Variants in AHI1 observed in about 807,000 individuals in gnomAD.
AHI1 encodes Abelson helper integration site 1.
Under a neutral mutation model 149.3 loss-of-function variants are expected in AHI1, and 123 were observed. That is an observed-to-expected ratio of 0.82 (90% CI 0.71 to 0.96). AHI1 has a LOEUF of 0.96. Among genes scored for constraint, AHI1 ranks in the 40% least tolerant of loss-of-function variants. AHI1 has a pLI of 0.00. For synonymous variants in AHI1, 475 were observed against 459.8 expected (o/e 1.03, Z -0.42); for missense variants, 1,439 against 1,422.7 (o/e 1.01, Z -0.18).
intron 20 of AHI1, among the ~76,000 whole-genome samples, chr6:135,415,986 G>A (rs1357560658): frequency 6.6e-6 from 1 of 152,108 alleles, no homozygotes; most frequent in Admixed American, 6.6e-5. Flanking sequence ...TGGGATAAGG[G>A]TGAGGAAGGA....
intron 27 of AHI1, among the ~76,000 whole-genome samples, chr6:135,297,196 G>A (rs6933077): frequency 0.2 from 30,082 of 152,034 alleles, 7,715 homozygotes; most frequent in African/African-American, 0.6. Context: ...CATGTCTCCT[G>A]GCCCCACCTT....
rs121434348 is a variant in AHI1, at chr6:135,457,594, G to A, written c.1051C>T (p.Arg351Ter). ...AAATCTGACTTAAGTCTATCAGTTC[G>A]GTGAATGTAAACTCCCAAGACAAGG... ...DDLVLGVYIH[R>*]TDRLKSDFMI... Residue 351 changes from arginine to a stop codon, truncating the protein, a stop_gained, in exon 9 of 29, where the codon CGA (arginine) becomes TGA (stop). Coordinates refer to ENST00000265602, the MANE Select transcript of AHI1 (RefSeq NM_001134831.2). LOFTEE classifies it high-confidence loss of function. 4 of 1,613,802 alleles carry A rather than the reference G, an allele frequency of 2.5e-6. No individual in the cohort carries two copies. Among genetic ancestry groups the A allele is most frequent in the East Asian group, 4.5e-5 (2 of 44,862 alleles).
chr6:135,495,464 C>T (rs987780468), intron 3 of AHI1: 1 of 152,202 alleles, frequency 6.6e-6, no homozygotes, highest in African/African-American at 2.4e-5. Flanking sequence ...AAATGTGCTT[C>T]CTCCTTTGTC....
At chr6:135,376,145 G>A (rs1427080106) in intron 23 of AHI1, among the ~76,000 whole-genome samples, 1 of 152,076 alleles carries the variant, frequency 6.6e-6, no homozygotes, top group Non-Finnish European at 1.5e-5. Context: ...CTCTACTGAA[G>A]AATAAGGTGA....
At chr6:135,478,184 T>C (rs1283951675) in intron 5 of AHI1, among the ~76,000 whole-genome samples, 1 of 152,150 alleles carries the variant, frequency 6.6e-6, no homozygotes, top group Non-Finnish European at 1.5e-5. Flanking sequence ...TAAAGATACC[T>C]GAAAATGTGG....
chr6:135,376,761 A>C (rs1193609640), intron 23 of AHI1, among the ~76,000 whole-genome samples: 1 of 151,774 alleles, frequency 6.6e-6, no homozygotes, highest in African/African-American at 2.4e-5. Context: ...GCATGCCTGT[A>C]ATCCCAGCTA....
chr6:135,367,745 A>G (rs906457015), intron 23 of AHI1, among the ~76,000 whole-genome samples: 8 of 151,730 alleles, frequency 5.3e-5, no homozygotes, highest in African/African-American at 1.7e-4. Flanking sequence ...AGATTTTTCC[A>G]TCCATATCCT....
chr6:135,292,129 CACACAT>C (rs1782435936), intron 27 of AHI1, among the ~76,000 whole-genome samples: 1 of 151,730 alleles, frequency 6.6e-6, no homozygotes. Flanking sequence ...CACACACACA[CACACAT>C]ACACAAACAC....
In AHI1 at chr6:135,380,730, A is replaced by AACC. The variant is rs1229922085; in HGVS notation, c.3109+14043_3109+14045dup. ...AATTAAACATCTTTTTAAGTAAAAT[A>AACC]ACCCCCCCCCCCCCAAAAAAAAAGT... On this transcript the variant is annotated intron_variant, in intron 23 of 28. Transcript: ENST00000265602. Among the ~76,000 whole-genome samples, 108 of 80,366 alleles carry AACC rather than the reference A, an allele frequency of 1.3e-3. 1 individual carries two copies. The highest frequency in any genetic ancestry group is 8.0e-3 in the African/African-American group (101 of 12,702). 52.7% of individuals were successfully genotyped at this position (80,366 alleles called of 152,430 possible).
At chr6:135,479,704 G>A (rs1793293262) in intron 5 of AHI1, among the ~76,000 whole-genome samples, 1 of 152,160 alleles carries the variant, frequency 6.6e-6, no homozygotes, top group Non-Finnish European at 1.5e-5. Context: ...TGTTGAGAAA[G>A]CATGATTGTG....
At chr6:135,485,073 C>CT (rs1184120839) in intron 5 of AHI1, among the ~76,000 whole-genome samples, 10,195 of 142,934 alleles carry the variant, frequency 0.071, 868 homozygotes, top group African/African-American at 0.21. Flanking sequence ...TGTACAATTT[C>CT]TTTTTTTTTT....
intron 26 of AHI1, among the ~76,000 whole-genome samples, chr6:135,315,905 T>C (rs965215990): frequency 6.6e-6 from 1 of 152,182 alleles, no homozygotes; most frequent in Non-Finnish European, 1.5e-5. Context: ...CACTTACCTG[T>C]TTAGAGGGGC....
chr6:135,475,626 A>C (rs1583429022), intron 5 of AHI1, among the ~76,000 whole-genome samples: 1 of 152,178 alleles, frequency 6.6e-6, no homozygotes, highest in Non-Finnish European at 1.5e-5. Flanking sequence ...ATGAACATCA[A>C]GGCTTGGGTT....
At chr6:135,409,884 T>C (rs1449813975) in intron 21 of AHI1, among the ~76,000 whole-genome samples, 1 of 152,216 alleles carries the variant, frequency 6.6e-6, no homozygotes, top group African/African-American at 2.4e-5. Context: ...GTTATCTCTT[T>C]TCACACATGC....
chr6:135,378,114 T>G (rs945601547), intron 23 of AHI1, among the ~76,000 whole-genome samples: 1 of 152,228 alleles, frequency 6.6e-6, no homozygotes. Flanking sequence ...TAATATGCCC[T>G]GACTCTGGGG....
intron 5 of AHI1, among the ~76,000 whole-genome samples, chr6:135,482,086 CT>C (rs1793741941): frequency 1.3e-5 from 2 of 152,030 alleles, no homozygotes; most frequent in African/African-American, 4.8e-5. Context: ...CTTCTCTGAT[CT>C]GTGGGTGTAT....
At chr6:135,382,701 G>A (rs1776932258) in intron 23 of AHI1, among the ~76,000 whole-genome samples, 1 of 151,344 alleles carries the variant, frequency 6.6e-6, no homozygotes, top group East Asian at 1.9e-4. Flanking sequence ...AAACTAAAAT[G>A]TTTAAAAACT....
rs61755967 is a variant in AHI1 at position 135,323,268 on chromosome 6, G to T, written c.3222C>A (p.Arg1074=). The T allele has an allele frequency of 1.5e-5, 24 of 1,613,564 alleles. No homozygotes were observed. The Admixed American group carries it at 2.7e-4, about 18-fold the overall frequency. Residue 1074 remains arginine (R), a synonymous_variant, in exon 25 of 29, where the codon CGC becomes CGA. Transcript: ENST00000265602. ...TGAAAAACACTCGGATAATGTCTCC[G>T]CGATGGATGGTTAGTTCATCTGATC... ...ANRSDELTIH[R]GDIIRVFFKD... is the part of the protein sequence containing the mutation.
chr6:135,323,367 C>T, intron 24 of AHI1, 43 bp from the exon 25 acceptor site: 1 of 1,585,404 alleles, frequency 6.3e-7, no homozygotes, highest in Non-Finnish European at 8.6e-7. Flanking sequence ...CACAACTGTA[C>T]CACAGAGAAA....
Sources: gnomAD v4.1 joint callset for allele counts (sites outside exome capture counted in the v4.1 genomes callset) on GRCh38, gnomAD v4.1.1 for gene constraint, MANE v1.5 for transcripts, NCBI Gene and HGNC (gene_info 2026-07-23, HGNC 2026-07-21) for gene names.